Variants in TMEM178A observed in about 807,000 individuals in gnomAD.
TMEM178A encodes transmembrane protein 178A, also known as transmembrane protein 178.
In TMEM178A, 12 loss-of-function variants were observed where a neutral mutation model predicts 29.1. That is an observed-to-expected ratio of 0.41 (90% confidence interval 0.26 to 0.67). The LOEUF is 0.67. TMEM178A is among the 30% of genes least tolerant of loss of function. The pLI, the probability that TMEM178A is intolerant of heterozygous loss-of-function variation, is 0.29. For missense variants in TMEM178A, 366 were observed against 419.1 expected, an observed-to-expected ratio of 0.87 and a Z score of 1.11; for synonymous variants, 210 against 187.2, an observed-to-expected ratio of 1.12 and a Z score of -0.99.
intron 1 of TMEM178A, 49 bp from the exon 2 acceptor site, chr2:39,704,030 TTC>T (rs1309536813): frequency 6.5e-7 from 1 of 1,526,930 alleles, no homozygotes; most frequent in South Asian, 1.1e-5. Context: ...GGTCTCAGAA[TTC>T]TGTTACAAAT....
At position 39,666,206 on chromosome 2, in the gene TMEM178A, C is replaced by A; in HGVS notation, c.232C>A (p.Leu78Ile). The change falls in exon 1 of 4, where the codon CTC becomes ATC. Residue 78 changes from leucine to isoleucine, a missense_variant. Coordinates refer to ENST00000281961, the MANE Select transcript of TMEM178A (RefSeq NM_152390.3). Reference protein sequence around the residue: ...RDSPPLGRRLLPGGPGRADPE... With the variant: ...RDSPPLGRRLIPGGPGRADPE... Reference sequence around the variant, plus strand: ...CTCGCCCCCGCTGGGGCGCCGGCTGCTCCCGGGCGGCCCGGGGCGCGCCGA... The same window carrying A: ...CTCGCCCCCGCTGGGGCGCCGGCTGATCCCGGGCGGCCCGGGGCGCGCCGA... 1 of 1,376,116 alleles carries A rather than the reference C, an allele frequency of 7.3e-7. No homozygotes were observed. The highest frequency in any genetic ancestry group is 9.3e-7 in the Non-Finnish European group (1 of 1,072,824). 85.2% of individuals were successfully genotyped at this position (1,376,116 alleles called of 1,614,324 possible).
Position 39,709,708 on chromosome 2 carries a change from T to G in TMEM178A, c.652+2522T>G, listed in dbSNP as rs115130618. On this transcript the variant is annotated intron_variant, in intron 3 of 3. Transcript: ENST00000281961. ...CCCATTTCTCTGACTCTTGTCTCCA[T>G]AAATATCAAAGAGGTACAGATGTGT... 9.4e-3 allele frequency among the ~76,000 whole-genome samples: 1,425 copies of G among 152,212 alleles called. 6 individuals carry two copies. Among genetic ancestry groups the G allele is most frequent in the Middle Eastern group, 0.02 (6 of 294 alleles).
chr2:39,682,710 T>C (rs1413824096), intron 1 of TMEM178A, among the ~76,000 whole-genome samples: 1 of 152,242 alleles, frequency 6.6e-6, no homozygotes, highest in African/African-American at 2.4e-5. Context: ...TCAAGGTATA[T>C]GGCATTTACT....
the TMEM178A span, among the ~76,000 whole-genome samples, chr2:39,732,041 T>TCATGTTCCTGACCATCCATCTAAA: frequency 6.6e-6 from 1 of 152,166 alleles, no homozygotes; most frequent in African/African-American, 2.4e-5. Context: ...AGACCTTATT[T>TCATGTTCCTGACCATCCATCTAAA]CATGTTCCTG....
chr2:39,694,184 A>AATAATT (rs1161046974), intron 1 of TMEM178A, among the ~76,000 whole-genome samples: 1 of 150,144 alleles, frequency 6.7e-6, no homozygotes, highest in African/African-American at 2.4e-5. Context: ...TAATAATAAT[A>AATAATT]ATTAAAGCGA....
chr2:39,682,301 A>G (rs184667488), intron 1 of TMEM178A, among the ~76,000 whole-genome samples: 1 of 152,112 alleles, frequency 6.6e-6, no homozygotes, highest in Non-Finnish European at 1.5e-5. Flanking sequence ...GTGAACTATG[A>G]TGTAATGCCT....
chr2:39,676,857 C>G (rs2148060796), intron 1 of TMEM178A, among the ~76,000 whole-genome samples: 1 of 152,278 alleles, frequency 6.6e-6, no homozygotes, highest in East Asian at 1.9e-4. Context: ...ACCACTTTCT[C>G]CACATACTGC....
At chr2:39,694,579 T>G (rs1425836952) in intron 1 of TMEM178A, among the ~76,000 whole-genome samples, 2 of 152,090 alleles carry the variant, frequency 1.3e-5, no homozygotes, top group African/African-American at 4.8e-5. Context: ...TCTAGTAAAC[T>G]CCCCTCTCCA....
At chr2:39,722,026 C>A (rs1672716821), downstream of TMEM178A, among the ~76,000 whole-genome samples, 1 of 147,592 alleles carries the variant, frequency 6.8e-6, no homozygotes, top group African/African-American at 2.5e-5. Context: ...ATCAGTGTTG[C>A]CACTGCTGCT....
chr2:39,728,205 C>T, the TMEM178A span, among the ~76,000 whole-genome samples: 646 of 152,304 alleles, frequency 4.2e-3, 5 homozygotes, highest in African/African-American at 0.014. Flanking sequence ...CCTATTTCTC[C>T]ACATCCTCTC....
In TMEM178A at chr2:39,717,210, A is replaced by G. The variant is rs1488327435; in HGVS notation, c.853A>G (p.Lys285Glu). 6.2e-7 allele frequency: 1 copy of G among 1,613,638 alleles called. No homozygotes were observed. The highest frequency in any genetic ancestry group is 1.3e-5 in the African/African-American group (1 of 74,780). Reference protein sequence around the residue: ...CIAYPFISRTKIAQLKSGRDS... With the variant: ...CIAYPFISRTEIAQLKSGRDS... ...CGCTTATCCGTTTATTAGCCGGACC[A>G]AGATTGCACAGCTAAAGTCTGGCAG... The change falls in exon 4 of 4, where the codon AAG (lysine) becomes GAG (glutamate). Residue 285 changes from lysine (K) to glutamate (E), a missense_variant. Around this residue, in one of 2 missense-constraint regions of TMEM178A, gnomAD observed 119 missense variants for 172.2 expected, o/e 0.69. Coordinates refer to ENST00000281961, the MANE Select transcript of TMEM178A (RefSeq NM_152390.3).
At chr2:39,713,241 C>T (rs1338307931) in intron 3 of TMEM178A, among the ~76,000 whole-genome samples, 2 of 152,146 alleles carry the variant, frequency 1.3e-5, no homozygotes, top group South Asian at 2.1e-4. Flanking sequence ...AGGCTTGGGA[C>T]GTGGTAGATA....
chr2:39,672,295 A>G (rs917964), intron 1 of TMEM178A, among the ~76,000 whole-genome samples: 66,703 of 152,044 alleles, frequency 0.44, 15,168 homozygotes, highest in East Asian at 0.75. Flanking sequence ...TATGATCAAA[A>G]TTGCCAGAAT....
At chr2:39,708,582 C>A (rs1672153711) in intron 3 of TMEM178A, among the ~76,000 whole-genome samples, 1 of 150,926 alleles carries the variant, frequency 6.6e-6, no homozygotes, top group Non-Finnish European at 1.5e-5. Flanking sequence ...CCATGCCCGG[C>A]TAATTTTTGT....
At chr2:39,709,074 C>A (rs187751327) in intron 3 of TMEM178A, among the ~76,000 whole-genome samples, 114 of 152,358 alleles carry the variant, frequency 7.5e-4, no homozygotes, top group African/African-American at 2.7e-3. Context: ...GCACTTCTCA[C>A]TGTAATGGGT....
At chr2:39,704,449 C>A (rs1671936738) in intron 2 of TMEM178A, among the ~76,000 whole-genome samples, 1 of 152,162 alleles carries the variant, frequency 6.6e-6, no homozygotes, top group Admixed American at 6.5e-5. Flanking sequence ...TACACAGCTG[C>A]CTACTGAATC....
intron 1 of TMEM178A, among the ~76,000 whole-genome samples, chr2:39,692,723 C>T (rs1348402939): frequency 6.6e-6 from 1 of 152,090 alleles, no homozygotes; most frequent in East Asian, 1.9e-4. Flanking sequence ...TATGTATTAG[C>T]TCATTTGATC....
chr2:39,725,392 A>T, the TMEM178A span, among the ~76,000 whole-genome samples: 1 of 152,228 alleles, frequency 6.6e-6, no homozygotes, highest in African/African-American at 2.4e-5. Context: ...GCTTTTACCT[A>T]GTAACGATTG....
At chr2:39,672,138 T>C (rs1572645733) in intron 1 of TMEM178A, among the ~76,000 whole-genome samples, 1 of 152,226 alleles carries the variant, frequency 6.6e-6, no homozygotes, top group Non-Finnish European at 1.5e-5. Flanking sequence ...ATTGCTAACA[T>C]CATGAAGGTT....
Sources: allele counts gnomAD v4.1 joint callset (sites outside exome capture counted in the v4.1 genomes callset), GRCh38; gene constraint gnomAD v4.1.1; regional missense constraint gnomAD v4.1.1; transcripts MANE v1.5; gene names NCBI Gene and HGNC (gene_info 2026-07-23, HGNC 2026-07-21).